BMPR2: variants seen among roughly 807,000 people sequenced by gnomAD.
BMPR2 encodes bone morphogenetic protein receptor type-2.
A neutral mutation model predicts 100.8 loss-of-function variants in BMPR2; 29 were observed. The ratio of observed to expected loss-of-function variants is 0.29; its 90% CI spans 0.21 to 0.39. The LOEUF (loss-of-function observed/expected upper bound fraction) is 0.39. Among genes scored for constraint, BMPR2 ranks in the 10% least tolerant of loss-of-function variants. The probability of loss-of-function intolerance (pLI) is 1.00; values close to 1 mark genes in which losing one functional copy is unlikely to be tolerated. For synonymous variants in BMPR2, 382 were observed against 442.3 expected (o/e 0.86, Z 1.71); for missense variants, 1,011 against 1,274.5 (o/e 0.79, Z 3.15).
At chr2:202,483,402 G>C (rs1295660649) in intron 3 of BMPR2, among the ~76,000 whole-genome samples, 1 of 149,862 alleles carries the variant, frequency 6.7e-6, no homozygotes, top group Non-Finnish European at 1.5e-5. Context: ...TTTTTTTTGA[G>C]ATGGAGTCTC....
intron 1 of BMPR2, among the ~76,000 whole-genome samples, chr2:202,422,943 G>T (rs558216980): frequency 2.0e-5 from 3 of 152,186 alleles, no homozygotes; most frequent in Admixed American, 6.5e-5. Context: ...CTCCCAAAGT[G>T]CTGGGATTAC....
intron 7 of BMPR2, among the ~76,000 whole-genome samples, chr2:202,530,475 C>G (rs1456138471): frequency 6.6e-6 from 1 of 151,620 alleles, no homozygotes; most frequent in Non-Finnish European, 1.5e-5. Context: ...GATGTTTATA[C>G]CAAATATTCC....
chr2:202,485,359 T>TGGC (rs1692751315), intron 3 of BMPR2, among the ~76,000 whole-genome samples: 1 of 151,836 alleles, frequency 6.6e-6, no homozygotes, highest in Non-Finnish European at 1.5e-5. Flanking sequence ...GCCAAGGTAT[T>TGGC]GGCTGAGTTG....
chr2:202,415,763 A>G (rs1279645351), intron 1 of BMPR2, among the ~76,000 whole-genome samples: 1 of 152,236 alleles, frequency 6.6e-6, no homozygotes, highest in African/African-American at 2.4e-5. Context: ...CTGCTCAGAA[A>G]AAAAGATTGC....
chr2:202,542,685 A>G (rs1317060997), intron 10 of BMPR2, among the ~76,000 whole-genome samples: 1 of 152,162 alleles, frequency 6.6e-6, no homozygotes, highest in Non-Finnish European at 1.5e-5. Context: ...CTAATGTGTC[A>G]TAAGTTTGCC....
chr2:202,429,428 G>T (rs1311897227), intron 1 of BMPR2, among the ~76,000 whole-genome samples: 1 of 152,100 alleles, frequency 6.6e-6, no homozygotes, highest in East Asian at 1.9e-4. Flanking sequence ...ACACGTTCTT[G>T]CTAAGCTTTT....
chr2:202,444,071 C>T (rs1381761132), intron 1 of BMPR2, among the ~76,000 whole-genome samples: 1 of 150,526 alleles, frequency 6.6e-6, no homozygotes, highest in Non-Finnish European at 1.5e-5. Context: ...TCCAAATATC[C>T]CCTGGGGCGT....
At chr2:202,392,026 C>T (rs1269855405) in intron 1 of BMPR2, among the ~76,000 whole-genome samples, 1 of 151,464 alleles carries the variant, frequency 6.6e-6, no homozygotes, top group Non-Finnish European at 1.5e-5. Flanking sequence ...TCCCAAAGTG[C>T]TGAGATTAAA....
intron 1 of BMPR2, among the ~76,000 whole-genome samples, chr2:202,412,996 C>T (rs1691044552): frequency 6.6e-6 from 1 of 152,112 alleles, no homozygotes; most frequent in Admixed American, 6.5e-5. Flanking sequence ...TTCCTACTCA[C>T]TGAAATTTAT....
At chr2:202,386,717 G>A (rs945369942) in intron 1 of BMPR2, among the ~76,000 whole-genome samples, 1 of 149,680 alleles carries the variant, frequency 6.7e-6, no homozygotes, top group East Asian at 2.0e-4. Flanking sequence ...GTCTTGCTCT[G>A]TCGTCTAGGC....
At chr2:202,411,164 T>C (rs1202765804) in intron 1 of BMPR2, among the ~76,000 whole-genome samples, 6 of 152,288 alleles carry the variant, frequency 3.9e-5, no homozygotes, top group African/African-American at 7.2e-5. Context: ...AAAATACTTA[T>C]TCATTACAAA....
intron 1 of BMPR2, among the ~76,000 whole-genome samples, chr2:202,407,043 G>T (rs865871713): frequency 6.6e-6 from 1 of 151,616 alleles, no homozygotes. Context: ...TGCTTCCTAG[G>T]CTCAAGTGAT....
At chr2:202,417,178 C>T (rs1691148623) in intron 1 of BMPR2, among the ~76,000 whole-genome samples, 1 of 151,924 alleles carries the variant, frequency 6.6e-6, no homozygotes. Flanking sequence ...CCTCTGTCGC[C>T]CAGGCTGGAG....
At chr2:202,405,424 C>A (rs112223004) in intron 1 of BMPR2, among the ~76,000 whole-genome samples, 298 of 152,184 alleles carry the variant, frequency 2.0e-3, no homozygotes, top group African/African-American at 6.7e-3. Flanking sequence ...CGTGGTGGCT[C>A]ATGCCTGTAA....
intron 1 of BMPR2, among the ~76,000 whole-genome samples, chr2:202,453,295 T>G (rs1274692347): frequency 6.6e-6 from 1 of 152,134 alleles, no homozygotes; most frequent in Non-Finnish European, 1.5e-5. Flanking sequence ...AATAATAATT[T>G]TTAGTAATAC....
chr2:202,432,952 CAT>C, intron 1 of BMPR2, among the ~76,000 whole-genome samples: 2 of 150,276 alleles, frequency 1.3e-5, no homozygotes, highest in East Asian at 3.9e-4. Flanking sequence ...GGCCTTATTC[CAT>C]ATATAGCCAT....
chr2:202,499,390 C>G (rs146549051), intron 3 of BMPR2, among the ~76,000 whole-genome samples: 2,518 of 152,270 alleles, frequency 0.017, 42 homozygotes, highest in Admixed American at 0.032. Flanking sequence ...AAGAAAGGGA[C>G]AAATTCCCTA....
At chr2:202,537,794 G>T (rs1331942112) in intron 9 of BMPR2, among the ~76,000 whole-genome samples, 4 of 151,960 alleles carry the variant, frequency 2.6e-5, no homozygotes, top group African/African-American at 9.7e-5. Flanking sequence ...AAAATGCAGA[G>T]AAGAAATCTG....
intron 4 of BMPR2, 152 bp from the exon 5 acceptor site, chr2:202,514,736 A>C (rs1344460448): frequency 1.5e-6 from 1 of 667,316 alleles, no homozygotes; most frequent in Non-Finnish European, 2.6e-6. Flanking sequence ...TACCTAGTTT[A>C]GTAAATAGCT....
Sources: gnomAD v4.1 joint callset for allele counts (sites outside exome capture counted in the v4.1 genomes callset) on GRCh38, gnomAD v4.1.1 for gene constraint, MANE v1.5 for transcripts, NCBI Gene and HGNC (gene_info 2026-07-23, HGNC 2026-07-21) for gene names.